Variants in ANKIB1 observed in about 807,000 individuals in gnomAD.
The protein encoded by ANKIB1 is ankyrin repeat and IBR domain containing 1.
Under a neutral mutation model 122.1 loss-of-function variants are expected in ANKIB1, and 43 were observed. The ratio of observed to expected loss-of-function variants is 0.35; its 90% CI spans 0.28 to 0.45. ANKIB1 has a LOEUF of 0.45. Ranked by LOEUF, ANKIB1 falls within the 20% of genes least tolerant of loss-of-function variation. The probability of loss-of-function intolerance (pLI) is 1.00; values close to 1 mark genes in which losing one functional copy is unlikely to be tolerated. For missense variants in ANKIB1, 992 were observed against 1,329.5 expected (o/e 0.75, Z 3.95); for synonymous variants, 390 against 442.0 (o/e 0.88, Z 1.48).
chr7:92,251,828 G>T (rs1277383354), intron 1 of ANKIB1, among the ~76,000 whole-genome samples: 1 of 152,182 alleles, frequency 6.6e-6, no homozygotes, highest in East Asian at 1.9e-4. Flanking sequence ...CTAGTCCAAA[G>T]AATCTATACA....
chr7:92,385,171 C>T (rs1425802738), intron 11 of ANKIB1, among the ~76,000 whole-genome samples: 1 of 152,190 alleles, frequency 6.6e-6, no homozygotes, highest in Non-Finnish European at 1.5e-5. Flanking sequence ...AAATCAAAAC[C>T]ACAATGAGAT....
At chr7:92,358,937 C>G (rs1803883860) in intron 9 of ANKIB1, among the ~76,000 whole-genome samples, 1 of 152,092 alleles carries the variant, frequency 6.6e-6, no homozygotes, top group African/African-American at 2.4e-5. Context: ...AACACTGTTC[C>G]TAGATCTATG....
In ANKIB1 at chr7:92,397,729, C is replaced by G. The variant is rs1044747071; in HGVS notation, c.2402C>G (p.Pro801Arg). 6.2e-7 allele frequency: 1 copy of G among 1,610,988 alleles called. No individual in the cohort carries two copies. The highest frequency in any genetic ancestry group is 2.2e-5 in the East Asian group (1 of 44,644). The stretch of plus-strand genomic sequence containing the variant: ...ACCAATTGCTTTGAAACAGATATTC[C>G]AGAAGGCGGCAGCAGCAGCCGCAGG... ...DEPSESTLDI[P>R]EGGSSSRRPG... The change falls in exon 19 of 20, where the codon CCA (proline) becomes CGA (arginine). Residue 801 changes from proline (P) to arginine (R), a missense_variant. By Grantham distance (103) the Pro-to-Arg change is moderately radical. This residue lies in a region of ANKIB1 where 384 missense variants were observed against 412.0 expected (regional missense o/e 0.93). Coordinates refer to ENST00000265742, the MANE Select transcript of ANKIB1 (RefSeq NM_019004.2).
chr7:92,246,266 C>G lies in ANKIB1; in HGVS notation c.-344C>G, dbSNP rs148273511. On this transcript the variant is annotated 5_prime_UTR_variant, in exon 1 of 20. Coordinates refer to ENST00000265742, the MANE Select transcript of ANKIB1 (RefSeq NM_019004.2). Reference sequence around the variant, plus strand: ...GCCGGAGAGGGATGGGGGGCGCCCACCCAGTCTGAGCCTCGCCGCGGGCGC... The same window carrying G: ...GCCGGAGAGGGATGGGGGGCGCCCAGCCAGTCTGAGCCTCGCCGCGGGCGC... The G allele has an allele frequency of 8.3e-3, 3,279 of 397,204 alleles. 27 individuals carry two copies. The highest frequency in any genetic ancestry group is 0.012 in the Non-Finnish European group (2,515 of 205,742). The allele number at this position is 397,204 out of a possible 1,614,324, so 24.6% of individuals were successfully genotyped here.
chr7:92,370,649 T>C (rs1301056456), intron 10 of ANKIB1, among the ~76,000 whole-genome samples: 5 of 151,520 alleles, frequency 3.3e-5, no homozygotes, highest in African/African-American at 9.7e-5. Context: ...GAAATGATAA[T>C]TACTCAAGGT....
intron 1 of ANKIB1, among the ~76,000 whole-genome samples, chr7:92,285,051 T>C (rs966109362): frequency 6.6e-6 from 1 of 152,180 alleles, no homozygotes; most frequent in African/African-American, 2.4e-5. Context: ...GGTTAAATCT[T>C]GGAGTAGAGG....
intron 7 of ANKIB1, chr7:92,347,915 C>G (rs1803575129): frequency 2.5e-6 from 1 of 401,434 alleles, no homozygotes; most frequent in African/African-American, 2.1e-5. Flanking sequence ...AGTAATCGTT[C>G]AATAAATATT....
At chr7:92,276,548 A>G (rs906299566) in intron 1 of ANKIB1, among the ~76,000 whole-genome samples, 1 of 152,218 alleles carries the variant, frequency 6.6e-6, no homozygotes, top group Non-Finnish European at 1.5e-5. Flanking sequence ...TCTTTTCTGC[A>G]TGGTCCACTC....
rs2115616884 is a variant in ANKIB1 at position 92,365,689 on chromosome 7, A to G, written c.1486+3416A>G. Among the ~76,000 whole-genome samples the G allele has an allele frequency of 2.0e-5, 3 of 152,110 alleles. 1 individual carries two copies. The highest frequency in any genetic ancestry group is 6.8e-3 in the Middle Eastern group (2 of 294). ...TAGGTAAGAATGTTAGTTCTGAGACAACTTCAGAATGACCAGGTGAGAGGA... is the reference window on the plus strand; with the variant it reads ...TAGGTAAGAATGTTAGTTCTGAGACGACTTCAGAATGACCAGGTGAGAGGA... On this transcript the variant is annotated intron_variant, in intron 10 of 19. Transcript: ENST00000265742.
At chr7:92,307,724 GT>G (rs201863693) in intron 3 of ANKIB1, 68 bp downstream of exon 3, 70,583 of 892,912 alleles carry the variant, frequency 0.079, 232 homozygotes, top group African/African-American at 0.15. Flanking sequence ...TAACTGTCAG[GT>G]TTTTTTTTTT....
intron 3 of ANKIB1, among the ~76,000 whole-genome samples, chr7:92,310,138 A>G (rs1289896896): frequency 6.6e-6 from 1 of 151,676 alleles, no homozygotes; most frequent in Non-Finnish European, 1.5e-5. Context: ...CCAGGTTTAT[A>G]CTGTACTATC....
intron 4 of ANKIB1, among the ~76,000 whole-genome samples, chr7:92,325,379 G>T (rs1269362437): frequency 6.6e-6 from 1 of 152,198 alleles, no homozygotes; most frequent in Non-Finnish European, 1.5e-5. Flanking sequence ...ACAGCTCAGG[G>T]TAGCCTAGGT....
At chr7:92,280,990 A>G (rs894210345) in intron 1 of ANKIB1, among the ~76,000 whole-genome samples, 1 of 152,178 alleles carries the variant, frequency 6.6e-6, no homozygotes, top group Admixed American at 6.5e-5. Flanking sequence ...TAGAGAACTC[A>G]CAGGACTCAG....
At chr7:92,248,278 A>G (rs761252985) in intron 1 of ANKIB1, among the ~76,000 whole-genome samples, 9 of 152,062 alleles carry the variant, frequency 5.9e-5, no homozygotes, top group Non-Finnish European at 1.3e-4. Context: ...AAGGAGTCTG[A>G]AACTGTGCCA....
chr7:92,345,136 C>T, intron 7 of ANKIB1, 70 bp downstream of exon 7: 1 of 1,162,206 alleles, frequency 8.6e-7, no homozygotes, highest in Non-Finnish European at 1.3e-6. Context: ...AAATTGTTTG[C>T]TTTCAGTATT....
intron 17 of ANKIB1, among the ~76,000 whole-genome samples, chr7:92,395,476 A>G (rs1804866683): frequency 6.6e-6 from 1 of 151,316 alleles, no homozygotes; most frequent in Non-Finnish European, 1.5e-5. Context: ...AGTACTTAAC[A>G]GTGTGTGTTA....
At chr7:92,337,309 T>C (rs1803310067) in intron 5 of ANKIB1, among the ~76,000 whole-genome samples, 1 of 152,216 alleles carries the variant, frequency 6.6e-6, no homozygotes, top group Admixed American at 6.5e-5. Flanking sequence ...TGTTTTAAAT[T>C]AAGAATTAGG....
rs909681277 is a variant in ANKIB1 at position 92,286,953 on chromosome 7, T to A, written c.-90-7936T>A. Among the ~76,000 whole-genome samples, 12 of 152,222 alleles carry A rather than the reference T, an allele frequency of 7.9e-5. 1 individual carries two copies. Among genetic ancestry groups the A allele is most frequent in the South Asian group, 4.1e-4 (2 of 4,830 alleles). On this transcript the variant is annotated intron_variant, in intron 1 of 19. Transcript: ENST00000265742. ...AGTCCTGGTACAAGAACCTATCAGC[T>A]GTTGCCTGATTAACCCTAGTAACCT...
intron 11 of ANKIB1, among the ~76,000 whole-genome samples, chr7:92,382,371 G>C (rs890771556): frequency 1.3e-5 from 2 of 152,160 alleles, no homozygotes; most frequent in African/African-American, 4.8e-5. Context: ...CTTGAACTCA[G>C]CTCTGCACTA....
Sources: allele counts gnomAD v4.1 joint callset (sites outside exome capture counted in the v4.1 genomes callset), GRCh38; gene constraint gnomAD v4.1.1; regional missense constraint gnomAD v4.1.1; transcripts MANE v1.5; gene names NCBI Gene and HGNC (gene_info 2026-07-23, HGNC 2026-07-21).